Variants in JMJD1C observed in about 807,000 individuals in gnomAD.
The protein encoded by JMJD1C is jumonji domain-containing protein 1C.
Under a neutral mutation model 245.3 loss-of-function variants are expected in JMJD1C, and 31 were observed. That is an observed-to-expected ratio of 0.13 (90% CI 0.09 to 0.17). JMJD1C has a LOEUF of 0.17. Ranked by LOEUF, JMJD1C falls within the 10% of genes least tolerant of loss-of-function variation. The pLI is 1.00. For missense variants in JMJD1C, 2,691 were observed against 3,000.2 expected (o/e 0.90, Z 2.41); for synonymous variants, 1,057 against 1,017.4 (o/e 1.04, Z -0.74).
intron 2 of JMJD1C, among the ~76,000 whole-genome samples, chr10:63,291,220 A>T (rs57564303): frequency 0.021 from 3,206 of 150,288 alleles, 105 homozygotes; most frequent in African/African-American, 0.073. Flanking sequence ...AGGCAGGAGA[A>T]TCGCTTGAAC....
intron 3 of JMJD1C, among the ~76,000 whole-genome samples, chr10:63,226,457 A>C (rs536479560): frequency 6.6e-6 from 1 of 152,162 alleles, no homozygotes; most frequent in Non-Finnish European, 1.5e-5. Context: ...TCACACCTAT[A>C]ATCCCAGCAC....
intron 1 of JMJD1C, among the ~76,000 whole-genome samples, chr10:63,454,549 G>GC (rs1319938339): frequency 1.3e-5 from 2 of 152,106 alleles, no homozygotes; most frequent in African/African-American, 4.8e-5. Context: ...TCATGCCTCA[G>GC]CCCCCCTAGT....
rs768922441 is a variant in JMJD1C, at chr10:63,191,042, G to C, written c.6143C>G (p.Pro2048Arg). Reference protein sequence around the residue: ...EEREQDNSESPNGRTSPLVSQ... With the variant: ...EEREQDNSESRNGRTSPLVSQ... ...CACAAGAGGTGATGTTCTGCCATTT[G>C]GAGATTCAGAGTTGTCTTGTTCTCT... is the stretch of plus-strand genomic sequence containing the variant. The change falls in exon 17 of 26, where the codon CCA becomes CGA. Residue 2048 changes from proline to arginine, a missense_variant. Pro to Arg is a moderately radical substitution (Grantham distance 103, BLOSUM62 -2). This residue lies in a region of JMJD1C where 275 missense variants were observed against 285.5 expected (regional missense o/e 0.96). Transcript: ENST00000399262. 1 of 1,614,146 alleles carries C rather than the reference G, an allele frequency of 6.2e-7. No homozygotes were observed. The highest frequency in any genetic ancestry group is 2.2e-5 in the East Asian group (1 of 44,884).
chr10:63,271,889 T>C (rs1043189197), intron 2 of JMJD1C, among the ~76,000 whole-genome samples: 19 of 151,932 alleles, frequency 1.3e-4, no homozygotes, highest in Non-Finnish European at 2.5e-4. Context: ...AGCCTGGCCA[T>C]CATGGCAAAC....
At chr10:63,335,064 G>C (rs1030160939) in intron 2 of JMJD1C, among the ~76,000 whole-genome samples, 2 of 144,028 alleles carry the variant, frequency 1.4e-5, no homozygotes, top group African/African-American at 5.1e-5. Flanking sequence ...CCTAACTAAG[G>C]AGTTCCAGTC....
At chr10:63,176,249 A>C in intron 24 of JMJD1C, 48 bp downstream of exon 24, 1 of 1,412,394 alleles carries the variant, frequency 7.1e-7, no homozygotes, top group Non-Finnish European at 9.5e-7. Flanking sequence ...TTTCAAAACT[A>C]GTTCTTTCAG....
intron 1 of JMJD1C, among the ~76,000 whole-genome samples, chr10:63,433,538 T>C (rs2132860715): frequency 6.6e-6 from 1 of 151,854 alleles, no homozygotes; most frequent in Admixed American, 6.6e-5. Flanking sequence ...CAATGACAAT[T>C]TTCAAACTCT....
intron 2 of JMJD1C, among the ~76,000 whole-genome samples, chr10:63,314,671 C>T (rs1386102340): frequency 6.7e-6 from 1 of 149,546 alleles, no homozygotes; most frequent in Non-Finnish European, 1.5e-5. Flanking sequence ...ATTTGAGATG[C>T]GAGTTTCACT....
chr10:63,196,669 T>A (rs560851458), intron 13 of JMJD1C, among the ~76,000 whole-genome samples: 1 of 152,260 alleles, frequency 6.6e-6, no homozygotes, highest in Admixed American at 6.5e-5. Context: ...TAAGTACTTC[T>A]AATGTTTCCA....
intron 3 of JMJD1C, among the ~76,000 whole-genome samples, chr10:63,253,802 A>G (rs1395535433): frequency 6.6e-6 from 1 of 152,002 alleles, no homozygotes; most frequent in Non-Finnish European, 1.5e-5. Flanking sequence ...GGGGTCACCT[A>G]CTCTAATTCT....
At chr10:63,423,885 T>C (rs1482334543) in intron 1 of JMJD1C, among the ~76,000 whole-genome samples, 1 of 152,232 alleles carries the variant, frequency 6.6e-6, no homozygotes, top group Non-Finnish European at 1.5e-5. Flanking sequence ...TTGATTTACA[T>C]TTGCGTAAAG....
intron 2 of JMJD1C, among the ~76,000 whole-genome samples, chr10:63,366,308 G>A (rs12256924): frequency 0.14 from 21,425 of 152,148 alleles, 3,462 homozygotes; most frequent in African/African-American, 0.4. Flanking sequence ...ATTGAAATGA[G>A]CTAATGTTGT....
At chr10:63,404,405 G>A (rs780470056) in intron 1 of JMJD1C, among the ~76,000 whole-genome samples, 1 of 152,078 alleles carries the variant, frequency 6.6e-6, no homozygotes, top group Non-Finnish European at 1.5e-5. Flanking sequence ...GGAACCACAT[G>A]CTAATTTTTT....
chr10:63,448,599 G>C (rs1217860281), intron 1 of JMJD1C, among the ~76,000 whole-genome samples: 2 of 152,196 alleles, frequency 1.3e-5, no homozygotes, highest in East Asian at 1.9e-4. Context: ...GGAAATACAT[G>C]AGAAAGTCAG....
chr10:63,192,139 C>T (rs999634300), intron 16 of JMJD1C, among the ~76,000 whole-genome samples: 1 of 151,188 alleles, frequency 6.6e-6, no homozygotes, highest in African/African-American at 2.4e-5. Flanking sequence ...AAGGCTAAGG[C>T]TGGGTATGGT....
At chr10:63,308,898 T>G (rs1938710009) in intron 2 of JMJD1C, among the ~76,000 whole-genome samples, 1 of 151,656 alleles carries the variant, frequency 6.6e-6, no homozygotes, top group East Asian at 1.9e-4. Context: ...TAAAGAAATA[T>G]CACAGTAACA....
intron 1 of JMJD1C, among the ~76,000 whole-genome samples, chr10:63,404,263 T>G (rs1306039985): frequency 1.3e-5 from 2 of 152,140 alleles, no homozygotes; most frequent in Admixed American, 6.5e-5. Flanking sequence ...AACAGCAAAT[T>G]TGATTTTAGG....
intron 3 of JMJD1C, among the ~76,000 whole-genome samples, chr10:63,252,704 G>A (rs1197962149): frequency 6.6e-6 from 1 of 152,110 alleles, no homozygotes; most frequent in Non-Finnish European, 1.5e-5. Context: ...CACTACTACA[G>A]AACCCTAGTC....
At chr10:63,460,219 A>G (rs1321567781) in intron 1 of JMJD1C, among the ~76,000 whole-genome samples, 1 of 152,206 alleles carries the variant, frequency 6.6e-6, no homozygotes, top group Non-Finnish European at 1.5e-5. Flanking sequence ...ATTTACAATT[A>G]AGAGTAAATA....
Sources: allele counts gnomAD v4.1 joint callset (sites outside exome capture counted in the v4.1 genomes callset), GRCh38; gene constraint gnomAD v4.1.1; regional missense constraint gnomAD v4.1.1; transcripts MANE v1.5; gene names NCBI Gene and HGNC (gene_info 2026-07-23, HGNC 2026-07-21).